The following NEK8 variants were observed in gnomAD, a reference collection of about 807,000 sequenced individuals.
NEK8 encodes serine/threonine-protein kinase Nek8.
A neutral mutation model predicts 77.2 loss-of-function variants in NEK8; 51 were observed. That is an observed-to-expected ratio of 0.66 (90% CI 0.53 to 0.83). The LOEUF (loss-of-function observed/expected upper bound fraction) is 0.83, where lower values mean the gene tolerates loss of function less well. Among genes scored for constraint, NEK8 ranks in the 40% least tolerant of loss-of-function variants. NEK8 has a pLI of 0.00. For missense variants in NEK8, 787 were observed against 909.2 expected, an observed-to-expected ratio of 0.87 and a Z score of 1.73; for synonymous variants, 365 against 363.2, an observed-to-expected ratio of 1.00 and a Z score of -0.06.
rs201307865 is a variant in NEK8, at chr17:28,741,056, C to T, written c.1733-22C>T. The T allele has an allele frequency of 7.1e-5, 114 of 1,614,200 alleles. No individual in the cohort carries two copies. The highest frequency in any genetic ancestry group is 9.1e-5 in the Non-Finnish European group (107 of 1,180,036). The stretch of plus-strand genomic sequence containing the variant: ...TCCTTGGTACCCTGTTGAAGCACCC[C>T]TTTCCTTCCTCTCCCCCATAGCCTC... On this transcript the variant is annotated intron_variant, in intron 12 of 14. Coordinates refer to ENST00000268766, the MANE Select transcript of NEK8 (RefSeq NM_178170.3). The surrounding 1 kb of genome is among the most constrained non-coding windows in gnomAD (Gnocchi z 4.5).
At position 28,742,499 on chromosome 17, in the gene NEK8, C is replaced by T. The variant is rs886672427; in HGVS notation, c.*512C>T. On this transcript the variant is annotated 3_prime_UTR_variant, in exon 15 of 15. Coordinates refer to ENST00000268766, the MANE Select transcript of NEK8 (RefSeq NM_178170.3). ...GTCCCAGCTGCTCAGGAGGCTGAGG[C>T]AGGAGAATGGCGTAAACCCCTCCAG... is the stretch of plus-strand genomic sequence containing the variant. The T allele has an allele frequency of 5.8e-6, 1 of 173,222 alleles. No homozygotes were observed. Among genetic ancestry groups the T allele is most frequent in the Non-Finnish European group, 1.2e-5 (1 of 81,204 alleles). The allele number at this position is 173,222 out of a possible 1,614,324, so 10.7% of individuals were successfully genotyped here.
intron 2 of NEK8, 70 bp downstream of exon 2, chr17:28,734,258 C>T (rs528897858): frequency 3.7e-6 from 5 of 1,356,648 alleles, no homozygotes; most frequent in South Asian, 2.3e-5. Context: ...ACACAGATCT[C>T]CTGGCTTCCC....
chr17:28,741,218 A>G lies in NEK8; in HGVS notation c.1873A>G (p.Thr625Ala). 1 of 1,609,404 alleles carries G rather than the reference A, an allele frequency of 6.2e-7. No homozygotes were observed. The highest frequency in any genetic ancestry group is 1.3e-5 in the African/African-American group (1 of 74,794). The part of the protein sequence containing the change: ...MAMVACGDAF[T>A]VAIGAESEVY... Reference sequence around the variant, plus strand: ...AATGGTAGCCTGTGGGGATGCCTTCACTGTAGCTATTGGGGCAGGTGAGGA... The same window carrying G: ...AATGGTAGCCTGTGGGGATGCCTTCGCTGTAGCTATTGGGGCAGGTGAGGA... Residue 625 changes from threonine to alanine, a missense_variant, in exon 13 of 15, where the codon ACT (threonine) becomes GCT (alanine). Transcript: ENST00000268766. The surrounding 1 kb of genome is among the most constrained non-coding windows in gnomAD (Gnocchi z 4.5).
rs193042078 is a variant in NEK8 at position 28,742,464 on chromosome 17, C to A, written c.*477C>A. ...AAAAAATTAGCTGGGCGTGGTGGCA[C>A]GCGCCTGTAGTCCCAGCTGCTCAGG... On this transcript the variant is annotated 3_prime_UTR_variant, in exon 15 of 15. Transcript: ENST00000268766. 18 of 225,260 alleles carry A rather than the reference C, an allele frequency of 8.0e-5. No individual in the cohort carries two copies. Among genetic ancestry groups the A allele is most frequent in the Non-Finnish European group, 1.0e-4 (11 of 110,268 alleles). 14.0% of individuals were successfully genotyped at this position (225,260 alleles called of 1,614,324 possible). A position where few individuals can be genotyped will look rare whatever the true frequency, so the allele number is the denominator to read the frequency against.
rs749082049 is a variant in NEK8 at position 28,741,579 on chromosome 17, G to T, written c.2050+8G>T. 7.4e-6 allele frequency: 12 copies of T among 1,613,872 alleles called. No individual in the cohort carries two copies. The South Asian group carries it at 1.1e-4, about 15-fold the overall frequency. On this transcript the variant is annotated splice_region_variant and intron_variant, in intron 14 of 14. Transcript: ENST00000268766. The surrounding 1 kb of genome is among the most constrained non-coding windows in gnomAD (Gnocchi z 4.5). ...CCCTCCTGGCTGTTCGATGTGAGTT[G>T]TAACTTTTCCCACTTCACCACACAG...
chr17:28,729,518 G>A (rs2034285226), intron 1 of NEK8, among the ~76,000 whole-genome samples: 1 of 149,120 alleles, frequency 6.7e-6, no homozygotes, highest in Non-Finnish European at 1.5e-5. Context: ...ACCATGCCCG[G>A]CTAAATTTTT....
chr17:28,731,354 A>G (rs2034304721), intron 1 of NEK8, among the ~76,000 whole-genome samples: 2 of 152,018 alleles, frequency 1.3e-5, no homozygotes, highest in South Asian at 4.2e-4. Flanking sequence ...CCCGGCCAAC[A>G]TGGTAAAACC....
At position 28,738,011 on chromosome 17, in the gene NEK8, CA is replaced by C. The variant is rs1315671928; in HGVS notation, c.1071+12del. ...CTCATCCTGTGGGAGGTGAGCAGGCCAGGGGGTGGCCTGGATGGGTGGAGGT... is the reference window on the plus strand; with the variant it reads ...CTCATCCTGTGGGAGGTGAGCAGGCCGGGGGTGGCCTGGATGGGTGGAGGT... On this transcript the variant is annotated intron_variant, in intron 7 of 14. Transcript: ENST00000268766. The C allele has an allele frequency of 2.5e-6, 4 of 1,612,590 alleles. No individual in the cohort carries two copies. In the African/African-American group the frequency reaches 5.3e-5, roughly 22 times the overall value.
chr17:28,735,084 TA>T (rs989770897), intron 3 of NEK8, 80 bp downstream of exon 3: 3 of 1,512,166 alleles, frequency 2.0e-6, no homozygotes, highest in Non-Finnish European at 2.7e-6. Context: ...CCCCTCCCCC[TA>T]AAAAACCCTT....
chr17:28,743,124 T>A lies in NEK8; in HGVS notation c.*1137T>A, dbSNP rs980162618. 1 of 141,490 alleles carries A rather than the reference T, an allele frequency of 7.1e-6. No individual in the cohort carries two copies. The highest frequency in any genetic ancestry group is 2.6e-5 in the African/African-American group (1 of 38,022). 8.8% of individuals were successfully genotyped at this position (141,490 alleles called of 1,614,324 possible). A position where few individuals can be genotyped will look rare whatever the true frequency, so the allele number is the denominator to read the frequency against. ...AAAAGTATTTGGTGCTTACCGGGAC[T>A]CTATCTCCATACTTTGGAGCAGGGC... is the stretch of plus-strand genomic sequence containing the variant. On this transcript the variant is annotated 3_prime_UTR_variant, in exon 15 of 15. Transcript: ENST00000268766.
intron 4 of NEK8, among the ~76,000 whole-genome samples, chr17:28,736,893 G>T (rs1280664539): frequency 6.6e-6 from 1 of 152,188 alleles, no homozygotes; most frequent in East Asian, 1.9e-4. Flanking sequence ...CTAGGGGTTT[G>T]ATGGTTTTAG....
At position 28,740,104 on chromosome 17, in the gene NEK8, TA is replaced by T. The variant is rs2034405791; in HGVS notation, c.1418-355del. 6.6e-6 allele frequency among the ~76,000 whole-genome samples: 1 copy of T among 151,742 alleles called. No individual in the cohort carries two copies. Among genetic ancestry groups the T allele is most frequent in the Non-Finnish European group, 1.5e-5 (1 of 67,926 alleles). ...TTCAAGACCAGCCTGGCCAACATGG[TA>T]AAACCCCGTCTCTACTAAAAATAAA... On this transcript the variant is annotated intron_variant, in intron 10 of 14. Transcript: ENST00000268766. The surrounding 1 kb of genome is among the most constrained non-coding windows in gnomAD (Gnocchi z 4.7).
At chr17:28,733,869 C>T (rs1273317075) in intron 1 of NEK8, 114 bp from the exon 2 acceptor site, 2 of 831,372 alleles carry the variant, frequency 2.4e-6, no homozygotes, top group East Asian at 2.6e-5. Flanking sequence ...GGTTAGATGA[C>T]CTCTCAGTCT....
Position 28,741,966 on chromosome 17 carries a change from AG to A in NEK8, c.2059del (p.Asp687MetfsTer17). 1 of 1,614,152 alleles carries A rather than the reference AG, an allele frequency of 6.2e-7. No homozygotes were observed. Among genetic ancestry groups the A allele is most frequent in the Non-Finnish European group, 8.5e-7 (1 of 1,179,996 alleles). On this transcript the variant is annotated frameshift_variant, in exon 15 of 15. Transcript: ENST00000268766. LOFTEE classifies it high-confidence loss of function. The surrounding 1 kb of genome is among the most constrained non-coding windows in gnomAD (Gnocchi z 4.5). Reference protein sequence around the residue: ...NTLLAVRSVTDEPVPP With the variant: ...NTLLAVRSVTXEPVPP ...CTCTTCGGTACCCTCCAGCGGTCAC[AG>A]ATGAGCCGGTCCCCCCCTGAGGCAC...
chr17:28,742,332 G>A lies in NEK8; in HGVS notation c.*345G>A, dbSNP rs1294831687. The stretch of plus-strand genomic sequence containing the variant: ...AAGGCAGCCGGGCGCAGTGGCTCAC[G>A]CCTGTAATCCCAGCACTTTGGGAGG... On this transcript the variant is annotated 3_prime_UTR_variant, in exon 15 of 15. Transcript: ENST00000268766. The A allele has an allele frequency of 1.2e-5, 5 of 408,770 alleles. No homozygotes were observed. Among genetic ancestry groups the A allele is most frequent in the East Asian group, 5.4e-5 (1 of 18,440 alleles). 25.3% of individuals were successfully genotyped at this position (408,770 alleles called of 1,614,324 possible).
chr17:28,742,202 C>T lies in NEK8; in HGVS notation c.*215C>T. On this transcript the variant is annotated 3_prime_UTR_variant, in exon 15 of 15. Coordinates refer to ENST00000268766, the MANE Select transcript of NEK8 (RefSeq NM_178170.3). ...CACCTCTTTGCCCTTCCTACCCCTT[C>T]CTCCCTTCAGTCAGTGTCCCCAGGG... 1 of 653,672 alleles carries T rather than the reference C, an allele frequency of 1.5e-6. No individual in the cohort carries two copies. Among genetic ancestry groups the T allele is most frequent in the Non-Finnish European group, 2.8e-6 (1 of 358,468 alleles). The allele number at this position is 653,672 out of a possible 1,614,324, so 40.5% of individuals were successfully genotyped here. A position where few individuals can be genotyped will look rare whatever the true frequency, so the allele number is the denominator to read the frequency against.
At chr17:28,736,936 T>C (rs558053381) in intron 4 of NEK8, among the ~76,000 whole-genome samples, 34 of 152,320 alleles carry the variant, frequency 2.2e-4, no homozygotes, top group Non-Finnish European at 4.6e-4. Context: ...CCATCTTGAA[T>C]TAATTTTTGT....
intron 1 of NEK8, among the ~76,000 whole-genome samples, chr17:28,730,796 G>T (rs1202343567): frequency 6.6e-6 from 1 of 152,024 alleles, no homozygotes; most frequent in Non-Finnish European, 1.5e-5. Flanking sequence ...ATTGGCATGT[G>T]CCTGTAGTCC....
At position 28,742,255 on chromosome 17, in the gene NEK8, A is replaced by T. The variant is rs539513821; in HGVS notation, c.*268A>T. On this transcript the variant is annotated 3_prime_UTR_variant, in exon 15 of 15. Coordinates refer to ENST00000268766, the MANE Select transcript of NEK8 (RefSeq NM_178170.3). ...CAGCCTGGCTAGAGTTAGAAGGCAGACCTAGCCTTTGGAAGCAGGGTGGCC... is the reference window on the plus strand; with the variant it reads ...CAGCCTGGCTAGAGTTAGAAGGCAGTCCTAGCCTTTGGAAGCAGGGTGGCC... The T allele has an allele frequency of 8.6e-6, 5 of 578,954 alleles. No homozygotes were observed. Among genetic ancestry groups the T allele is most frequent in the African/African-American group, 7.5e-5 (4 of 53,510 alleles). 35.9% of individuals were successfully genotyped at this position (578,954 alleles called of 1,614,324 possible). A position where few individuals can be genotyped will look rare whatever the true frequency, so the allele number is the denominator to read the frequency against.
Sources: allele counts gnomAD v4.1 joint callset (sites outside exome capture counted in the v4.1 genomes callset), GRCh38; gene constraint gnomAD v4.1.1; non-coding constraint Gnocchi (gnomAD v3.1); transcripts MANE v1.5; gene names NCBI Gene and HGNC (gene_info 2026-07-23, HGNC 2026-07-21).